Variants in PDE4D observed in about 807,000 individuals in gnomAD.
PDE4D encodes phosphodiesterase 4D, also known as 3',5'-cyclic-AMP phosphodiesterase 4D.
Under a neutral mutation model 87.4 loss-of-function variants are expected in PDE4D, and 24 were observed. The ratio of observed to expected loss-of-function variants is 0.27; its 90% CI spans 0.20 to 0.39. PDE4D has a LOEUF of 0.39. PDE4D is among the 10% of genes least tolerant of loss of function. The pLI is 1.00. For synonymous variants in PDE4D, 384 were observed against 383.2 expected (o/e 1.00, Z -0.02); for missense variants, 714 against 1,041.0 (o/e 0.69, Z 4.32).
rs1561870887 is a variant in PDE4D, at chr5:59,927,731, T to TTTGA, written c.272+60753_272+60756dup. Reference sequence around the variant, plus strand: ...AACAGAAATGTAACCAAAAGTTCTTTTTGATGATATACATGGTTCAACAAG... The same window carrying TTTGA: ...AACAGAAATGTAACCAAAAGTTCTTTTTGATTGATGATATACATGGTTCAACAAG... On this transcript the variant is annotated intron_variant, in intron 3 of 16. Transcript: ENST00000502484. 2.6e-5 allele frequency among the ~76,000 whole-genome samples: 4 copies of TTTGA among 152,324 alleles called. No homozygotes were observed. In the East Asian group the frequency reaches 7.7e-4, roughly 29 times the overall value.
chr5:59,129,570 C>G (rs1381017425), intron 5 of PDE4D, among the ~76,000 whole-genome samples: 2 of 152,170 alleles, frequency 1.3e-5, no homozygotes, highest in African/African-American at 4.8e-5. Flanking sequence ...TATTTGCCAC[C>G]TAATTCAAGC....
intron 2 of PDE4D, among the ~76,000 whole-genome samples, chr5:60,107,774 T>C (rs1371478010): frequency 2.6e-5 from 4 of 152,158 alleles, no homozygotes; most frequent in African/African-American, 7.2e-5. Context: ...ATTATCTCAA[T>C]AGATGCAGAA....
At chr5:60,047,503 T>A (rs1769436101) in intron 2 of PDE4D, among the ~76,000 whole-genome samples, 1 of 152,200 alleles carries the variant, frequency 6.6e-6, no homozygotes, top group African/African-American at 2.4e-5. Flanking sequence ...TTGTGGGCAT[T>A]TAGTGCTATA....
At chr5:59,932,747 A>T (rs1364629474) in intron 3 of PDE4D, among the ~76,000 whole-genome samples, 1 of 152,160 alleles carries the variant, frequency 6.6e-6, no homozygotes, top group Admixed American at 6.5e-5. Context: ...TACCAAATCG[A>T]TTCTACACTG....
chr5:60,394,652 A>G (rs1762769727), intron 1 of PDE4D, among the ~76,000 whole-genome samples: 1 of 152,180 alleles, frequency 6.6e-6, no homozygotes, highest in South Asian at 2.1e-4. Context: ...ATTGACTTCA[A>G]CTCAAATCTG....
chr5:59,524,412 T>G (rs113067258), intron 1 of PDE4D, among the ~76,000 whole-genome samples: 5,460 of 152,300 alleles, frequency 0.036, 165 homozygotes, highest in Admixed American at 0.083. Context: ...AAGAGGCTGG[T>G]GGCATTTTGT....
intron 1 of PDE4D, among the ~76,000 whole-genome samples, chr5:60,362,331 A>C (rs1760142874): frequency 1.3e-5 from 2 of 152,204 alleles, no homozygotes; most frequent in South Asian, 2.1e-4. Context: ...AGGTCAGATG[A>C]GTCATCTTTT....
intron 2 of PDE4D, among the ~76,000 whole-genome samples, chr5:60,175,943 C>T (rs200873897): frequency 6.6e-6 from 1 of 152,146 alleles, no homozygotes; most frequent in Non-Finnish European, 1.5e-5. Flanking sequence ...CTACTGCCAC[C>T]ATCACCAATG....
At chr5:59,985,143 TTG>T (rs1289277299) in intron 3 of PDE4D, among the ~76,000 whole-genome samples, 1 of 119,458 alleles carries the variant, frequency 8.4e-6, no homozygotes, top group Non-Finnish European at 1.9e-5. Context: ...TTTTTGTTTT[TTG>T]TTTTTTATTT....
At chr5:60,506,727 C>A (rs1007795654) in intron 1 of PDE4D, among the ~76,000 whole-genome samples, 1 of 151,838 alleles carries the variant, frequency 6.6e-6, no homozygotes, top group East Asian at 1.9e-4. Flanking sequence ...ATTGAATTAA[C>A]GTGAAATAAC....
chr5:59,573,938 C>A (rs567172508), intron 1 of PDE4D, among the ~76,000 whole-genome samples: 10 of 141,094 alleles, frequency 7.1e-5, no homozygotes, highest in African/African-American at 2.7e-4. Context: ...GCAGAGGTTG[C>A]AGTGGGATGA....
At chr5:60,440,279 T>G (rs1338947205) in intron 1 of PDE4D, among the ~76,000 whole-genome samples, 1 of 152,192 alleles carries the variant, frequency 6.6e-6, no homozygotes, top group Non-Finnish European at 1.5e-5. Flanking sequence ...TCCTTCTATA[T>G]TCATTCAACA....
intron 1 of PDE4D, chr5:59,216,934 C>G (rs768583826): frequency 5.1e-6 from 1 of 197,150 alleles, no homozygotes; most frequent in Non-Finnish European, 1.0e-5. Flanking sequence ...GTTTTTCACC[C>G]GGTCTCCATT....
At chr5:59,531,139 C>T (rs1237469966) in intron 1 of PDE4D, among the ~76,000 whole-genome samples, 1 of 152,146 alleles carries the variant, frequency 6.6e-6, no homozygotes, top group Non-Finnish European at 1.5e-5. Context: ...CACATGGTTC[C>T]CAGGTGAAGC....
At chr5:60,105,118 A>T (rs1343458447) in intron 2 of PDE4D, among the ~76,000 whole-genome samples, 2 of 152,346 alleles carry the variant, frequency 1.3e-5, no homozygotes, top group Non-Finnish European at 1.5e-5. Context: ...CTTTGAAAAA[A>T]ATTTAGACGA....
chr5:59,354,990 T>C (rs548591313), intron 1 of PDE4D, among the ~76,000 whole-genome samples: 1 of 152,330 alleles, frequency 6.6e-6, no homozygotes, highest in Admixed American at 6.5e-5. Context: ...AAGGAAGGAC[T>C]GAGCCTCTCA....
At chr5:59,224,295 C>T (rs1328648357) in intron 1 of PDE4D, among the ~76,000 whole-genome samples, 2 of 82,308 alleles carry the variant, frequency 2.4e-5, no homozygotes, top group Non-Finnish European at 4.3e-5. Context: ...CACACACATA[C>T]ACACACACAC....
intron 1 of PDE4D, among the ~76,000 whole-genome samples, chr5:60,193,300 T>C (rs1211785944): frequency 1.3e-5 from 2 of 152,144 alleles, no homozygotes; most frequent in Non-Finnish European, 2.9e-5. Context: ...TTGGGTTTTA[T>C]AGGACCAACA....
chr5:59,782,990 T>A (rs993670452), intron 1 of PDE4D, among the ~76,000 whole-genome samples: 11 of 152,314 alleles, frequency 7.2e-5, no homozygotes, highest in Non-Finnish European at 4.4e-5. Flanking sequence ...TCCCTTTGCA[T>A]CCTGGCCCCT....
Sources: gnomAD v4.1 joint callset for allele counts (sites outside exome capture counted in the v4.1 genomes callset) on GRCh38, gnomAD v4.1.1 for gene constraint, MANE v1.5 for transcripts, NCBI Gene and HGNC (gene_info 2026-07-23, HGNC 2026-07-21) for gene names.